The following TTC28 variants were observed in gnomAD, a reference collection of about 807,000 sequenced individuals.
TTC28 encodes the protein tetratricopeptide repeat protein 28.
In TTC28, 61 loss-of-function variants were observed where a neutral mutation model predicts 198.0. The observed-to-expected ratio is 0.31, with a 90% CI of 0.25 to 0.38. TTC28 has a LOEUF of 0.38. TTC28 is among the 10% of genes least tolerant of loss of function. The probability of loss-of-function intolerance (pLI) is 1.00; values close to 1 mark genes in which losing one functional copy is unlikely to be tolerated. For synonymous variants in TTC28, 1,171 were observed against 1,297.8 expected (o/e 0.90, Z 2.10); for missense variants, 2,678 against 3,164.0 (o/e 0.85, Z 3.69).
At chr22:28,208,717 CTATATATA>C (rs756419334) in intron 5 of TTC28, among the ~76,000 whole-genome samples, 2 of 151,916 alleles carry the variant, frequency 1.3e-5, no homozygotes, top group African/African-American at 4.8e-5. Context: ...AGTATTTTAA[CTATATATA>C]TATGTGCATA....
chr22:28,611,459 C>A (rs1349708637), intron 2 of TTC28, among the ~76,000 whole-genome samples: 1 of 150,848 alleles, frequency 6.6e-6, no homozygotes, highest in African/African-American at 2.4e-5. Flanking sequence ...CATATCCAGC[C>A]AAACTAAGCT....
chr22:28,033,970 T>C (rs1279390993), intron 12 of TTC28, among the ~76,000 whole-genome samples: 1 of 152,064 alleles, frequency 6.6e-6, no homozygotes, highest in East Asian at 1.9e-4. Context: ...TGTATGTATA[T>C]AGAAAGACTG....
chr22:28,390,745 G>A (rs1167714050), intron 2 of TTC28, among the ~76,000 whole-genome samples: 3 of 152,158 alleles, frequency 2.0e-5, no homozygotes, highest in African/African-American at 4.8e-5. Flanking sequence ...GTCTCTGCAT[G>A]TGAGATGGGT....
At chr22:28,233,474 G>A (rs1928972613) in intron 5 of TTC28, among the ~76,000 whole-genome samples, 1 of 151,848 alleles carries the variant, frequency 6.6e-6, no homozygotes, top group African/African-American at 2.4e-5. Flanking sequence ...TTTAATATGT[G>A]AATATCTGTC....
chr22:28,604,404 A>T (rs996090614), intron 2 of TTC28, among the ~76,000 whole-genome samples: 1 of 151,266 alleles, frequency 6.6e-6, no homozygotes, highest in Non-Finnish European at 1.5e-5. Flanking sequence ...ATATTTCTAT[A>T]AAAAGACTCT....
chr22:28,532,232 C>T (rs1034597104), intron 2 of TTC28, among the ~76,000 whole-genome samples: 6 of 152,106 alleles, frequency 3.9e-5, no homozygotes, highest in African/African-American at 1.2e-4. Flanking sequence ...GATACCACCA[C>T]CGATCCCACG....
intron 12 of TTC28, among the ~76,000 whole-genome samples, chr22:28,074,079 A>C (rs1941088015): frequency 6.6e-6 from 1 of 152,226 alleles, no homozygotes; most frequent in African/African-American, 2.4e-5. Context: ...TACAAGCAAG[A>C]TGAAAAACAA....
At chr22:28,216,397 C>T (rs1249671877) in intron 5 of TTC28, among the ~76,000 whole-genome samples, 2 of 152,088 alleles carry the variant, frequency 1.3e-5, no homozygotes, top group Non-Finnish European at 2.9e-5. Context: ...CTTTGGTGCA[C>T]AAATTCATTA....
Position 28,545,082 on chromosome 22 carries a change from C to T in TTC28, c.381+84470G>A, listed in dbSNP as rs539656333. ...TCTCAAATTCTTTCTTGTGCAAAAT[C>T]GAAGAACCCTCTCTTGGGGTCTGGA... On this transcript the variant is annotated intron_variant, in intron 2 of 22. Coordinates refer to ENST00000397906, the MANE Select transcript of TTC28 (RefSeq NM_001145418.2). 1.0e-3 allele frequency among the ~76,000 whole-genome samples: 153 copies of T among 152,226 alleles called. 2 individuals are homozygous for T. The highest frequency in any genetic ancestry group is 7.0e-3 in the South Asian group (34 of 4,824).
At chr22:28,118,994 G>GTGT (rs982027771) in intron 6 of TTC28, among the ~76,000 whole-genome samples, 3 of 152,136 alleles carry the variant, frequency 2.0e-5, no homozygotes, top group African/African-American at 7.2e-5. Flanking sequence ...TTGGTAATTG[G>GTGT]TGTGTCCCCT....
chr22:28,357,421 T>G (rs2046095440), intron 2 of TTC28, among the ~76,000 whole-genome samples: 1 of 137,988 alleles, frequency 7.2e-6, no homozygotes, highest in South Asian at 2.5e-4. Flanking sequence ...ACTCAAACAA[T>G]CCTCCTGCCT....
rs1451997715 is a variant in TTC28 at position 27,983,318 on chromosome 22, T to G, written c.6349A>C (p.Ser2117Arg). 2 of 1,551,992 alleles carry G rather than the reference T, an allele frequency of 1.3e-6. No homozygotes were observed. The highest frequency in any genetic ancestry group is 8.7e-7 in the Non-Finnish European group (1 of 1,147,122). Reference sequence around the variant, plus strand: ...ACCTTTTGGAAGGGTGAGTTGGGGCTGGGAATCAGAGTCATTTTCACTGGA... The same window carrying G: ...ACCTTTTGGAAGGGTGAGTTGGGGCGGGGAATCAGAGTCATTTTCACTGGA... ...NSPVKMTLIP[S>R]PNSPFQKVGK... The change falls in exon 23 of 23, where the codon AGC becomes CGC. Residue 2117 changes from serine to arginine, a missense_variant. Around this residue, in one of 8 missense-constraint regions of TTC28, gnomAD observed 622 missense variants for 656.0 expected, o/e 0.95. Coordinates refer to ENST00000397906, the MANE Select transcript of TTC28 (RefSeq NM_001145418.2).
intron 2 of TTC28, among the ~76,000 whole-genome samples, chr22:28,610,458 T>G (rs1047764955): frequency 6.6e-6 from 1 of 152,128 alleles, no homozygotes; most frequent in Non-Finnish European, 1.5e-5. Context: ...GGGTCTAAAG[T>G]GGACCTCCAG....
At chr22:28,137,959 G>A (rs1230351186) in intron 6 of TTC28, among the ~76,000 whole-genome samples, 1 of 152,110 alleles carries the variant, frequency 6.6e-6, no homozygotes, top group Non-Finnish European at 1.5e-5. Flanking sequence ...AGGTTGCAGT[G>A]AGCCGAGATC....
At chr22:28,636,946 T>C (rs1424577000) in intron 1 of TTC28, among the ~76,000 whole-genome samples, 2 of 151,676 alleles carry the variant, frequency 1.3e-5, no homozygotes, top group African/African-American at 4.8e-5. Flanking sequence ...CCAAGACCAA[T>C]ATTAAGAACT....
At chr22:28,208,918 T>C (rs1254169283) in intron 5 of TTC28, among the ~76,000 whole-genome samples, 1 of 152,094 alleles carries the variant, frequency 6.6e-6, no homozygotes, top group East Asian at 1.9e-4. Flanking sequence ...TCTCCAATCA[T>C]TCAGAAGAGC....
intron 2 of TTC28, among the ~76,000 whole-genome samples, chr22:28,415,227 T>A (rs75235539): frequency 0.071 from 10,744 of 152,098 alleles, 553 homozygotes; most frequent in Non-Finnish European, 0.1. Flanking sequence ...GACAAGAAGA[T>A]ATTATCAGAT....
intron 12 of TTC28, among the ~76,000 whole-genome samples, chr22:28,072,654 C>T (rs913591893): frequency 7.2e-5 from 11 of 152,166 alleles, no homozygotes; most frequent in African/African-American, 2.4e-4. Flanking sequence ...TTCCTGCCTT[C>T]AATGCATACT....
At chr22:28,483,086 G>T (rs1470717290) in intron 2 of TTC28, among the ~76,000 whole-genome samples, 1 of 152,100 alleles carries the variant, frequency 6.6e-6, no homozygotes, top group Non-Finnish European at 1.5e-5. Context: ...AAATTGTAAG[G>T]TCATATGGTA....
Sources: gnomAD v4.1 joint callset for allele counts (sites outside exome capture counted in the v4.1 genomes callset) on GRCh38, gnomAD v4.1.1 for gene constraint, gnomAD v4.1.1 regional missense constraint, MANE v1.5 for transcripts, NCBI Gene and HGNC (gene_info 2026-07-23, HGNC 2026-07-21) for gene names.